STOX2: variants seen among roughly 807,000 people sequenced by gnomAD.
STOX2 encodes storkhead-box protein 2.
Under a neutral mutation model 60.9 loss-of-function variants are expected in STOX2, and 28 were observed. The ratio of observed to expected loss-of-function variants is 0.46; its 90% CI spans 0.34 to 0.63. The LOEUF (loss-of-function observed/expected upper bound fraction) is 0.63. Ranked by LOEUF, STOX2 falls within the 30% of genes least tolerant of loss-of-function variation. STOX2 has a pLI of 0.01. For synonymous variants in STOX2, 472 were observed against 463.9 expected, an observed-to-expected ratio of 1.02 and a Z score of -0.22; for missense variants, 1,024 against 1,187.7, an observed-to-expected ratio of 0.86 and a Z score of 2.03.
At chr4:183,851,661 G>A (rs1204870497) in intron 1 of STOX2, among the ~76,000 whole-genome samples, 1 of 134,908 alleles carries the variant, frequency 7.4e-6, no homozygotes, top group Non-Finnish European at 1.6e-5. Context: ...AAGGATGAGG[G>A]AAAGGATGAG....
At chr4:183,862,977 C>T (rs768901092) in intron 1 of STOX2, among the ~76,000 whole-genome samples, 12 of 152,164 alleles carry the variant, frequency 7.9e-5, no homozygotes, top group Non-Finnish European at 1.3e-4. Flanking sequence ...CTCCTTTTAC[C>T]ACACCAGGGA....
At chr4:183,804,773 G>C (rs1293102354) in intron 1 of STOX2, among the ~76,000 whole-genome samples, 1 of 152,040 alleles carries the variant, frequency 6.6e-6, no homozygotes, top group African/African-American at 2.4e-5. Context: ...TTCAGCAAAG[G>C]CTGTCAGTTT....
At chr4:183,969,908 C>T (rs558355506) in intron 1 of STOX2, among the ~76,000 whole-genome samples, 4 of 152,240 alleles carry the variant, frequency 2.6e-5, no homozygotes, top group Admixed American at 6.5e-5. Flanking sequence ...AGGCGTGAGC[C>T]ACCACACCCT....
In STOX2 at chr4:184,011,908, G is replaced by A. The variant is rs949479981; in HGVS notation, c.2585+485G>A. On this transcript the variant is annotated intron_variant, in intron 3 of 3. Coordinates refer to ENST00000308497, the MANE Select transcript of STOX2 (RefSeq NM_020225.3). The surrounding 1 kb of genome is among the most constrained non-coding windows in gnomAD (Gnocchi z 4.4). ...CAAAACCTCTCCAATGGATCTAGAA[G>A]CTTGTTGCCATTTGGATCCCACTAT... Among the ~76,000 whole-genome samples, 78 of 152,296 alleles carry A rather than the reference G, an allele frequency of 5.1e-4. No homozygotes were observed. The highest frequency in any genetic ancestry group is 1.6e-3 in the African/African-American group (66 of 41,552).
chr4:183,943,590 A>G (rs1742806672), intron 1 of STOX2, among the ~76,000 whole-genome samples: 1 of 152,376 alleles, frequency 6.6e-6, no homozygotes, highest in Admixed American at 6.5e-5. Flanking sequence ...ACGAGAAGAA[A>G]TAGAAGTGCA....
Position 184,011,306 on chromosome 4 carries a change from C to G in STOX2, c.2468C>G (p.Thr823Ser), listed in dbSNP as rs761910828. ...DLQRKFEKNL[T>S]LLAPKETDSS... ...CAGAGGAAATTTGAAAAGAACCTCA[C>G]CCTTCTTGCTCCAAAAGAAACCGAC... is the stretch of plus-strand genomic sequence containing the variant. The change falls in exon 3 of 4, where the codon ACC (threonine) becomes AGC (serine). Residue 823 changes from threonine to serine, a missense_variant. Physicochemically the swap from Thr to Ser is moderately conservative, Grantham distance 58. This residue lies in a region of STOX2 where 922 missense variants were observed against 1,058.3 expected (regional missense o/e 0.87). Transcript: ENST00000308497. This position sits in a 1 kb window ranked among gnomAD's most constrained non-coding sequence, Gnocchi z 4.4. 7 of 1,613,906 alleles carry G rather than the reference C, an allele frequency of 4.3e-6. No individual in the cohort carries two copies. The African/African-American group carries it at 9.3e-5, about 22-fold the overall frequency.
chr4:183,884,975 C>T (rs371446865), intron 1 of STOX2, among the ~76,000 whole-genome samples: 203 of 152,260 alleles, frequency 1.3e-3, no homozygotes, highest in African/African-American at 4.5e-3. Context: ...CTGGGCGTCG[C>T]GTCCCCGTCG....
intron 1 of STOX2, among the ~76,000 whole-genome samples, chr4:183,819,380 C>CA (rs1275090264): frequency 6.6e-6 from 1 of 151,788 alleles, no homozygotes; most frequent in Non-Finnish European, 1.5e-5. Flanking sequence ...CCGTCTCCAC[C>CA]AAAAAAATAC....
chr4:183,831,737 A>G (rs1739572306), intron 1 of STOX2, among the ~76,000 whole-genome samples: 1 of 152,156 alleles, frequency 6.6e-6, no homozygotes, highest in Non-Finnish European at 1.5e-5. Context: ...CTTGTACCCC[A>G]CGGATATAGA....
intron 1 of STOX2, among the ~76,000 whole-genome samples, chr4:183,863,265 GC>G (rs376113314): frequency 3.4e-4 from 52 of 152,226 alleles, no homozygotes; most frequent in African/African-American, 1.1e-3. Context: ...CATGAACTGT[GC>G]CCCCCACACC....
rs1734422133 is a variant in STOX2, at chr4:184,017,407, GTGC to G, written c.*128_*130del. Reference sequence around the variant, plus strand: ...CACAGTTTTTGTGTTTACTTAAACTGTGCTGCTAAGTAGGGCTAGGGCAAAAAA... The same window carrying G: ...CACAGTTTTTGTGTTTACTTAAACTGTGCTAAGTAGGGCTAGGGCAAAAAA... On this transcript the variant is annotated 3_prime_UTR_variant, in exon 4 of 4. Transcript: ENST00000308497. The G allele has an allele frequency of 2.0e-6, 2 of 1,021,608 alleles. No homozygotes were observed. The highest frequency in any genetic ancestry group is 2.8e-6 in the Non-Finnish European group (2 of 719,312). 63.3% of individuals were successfully genotyped at this position (1,021,608 alleles called of 1,614,324 possible).
chr4:183,938,669 C>CAA (rs10577405), intron 1 of STOX2, among the ~76,000 whole-genome samples: 120 of 82,446 alleles, frequency 1.5e-3, no homozygotes, highest in African/African-American at 4.9e-3. Context: ...ACTCCGTCTC[C>CAA]AAAAAAAAAA....
intron 1 of STOX2, among the ~76,000 whole-genome samples, chr4:183,938,672 A>G (rs905089034): frequency 0.057 from 2,168 of 38,192 alleles, 43 homozygotes; most frequent in African/African-American, 0.095. Context: ...CCGTCTCCAA[A>G]AAAAAAAAAA....
intron 1 of STOX2, among the ~76,000 whole-genome samples, chr4:183,874,951 A>ATT (rs1740787513): frequency 6.9e-5 from 4 of 57,850 alleles, no homozygotes; most frequent in Non-Finnish European, 1.3e-4. Context: ...AAAAAAAAAA[A>ATT]AATATATATA....
rs1475895359 is a variant in STOX2, at chr4:183,836,088, G to C, written c.364+38033G>C. ...TGGGTGGAAAGTGGTATCCACTGCA[G>C]TTTTGATTTGCGATCTCCTGGTGAC... On this transcript the variant is annotated intron_variant, in intron 1 of 2. Transcript: ENST00000513034. This position sits in a 1 kb window ranked among gnomAD's most constrained non-coding sequence, Gnocchi z 4.1. Among the ~76,000 whole-genome samples the C allele has an allele frequency of 6.6e-6, 1 of 152,050 alleles. No homozygotes were observed. The highest frequency in any genetic ancestry group is 1.5e-5 in the Non-Finnish European group (1 of 68,032).
chr4:183,969,365 AT>A (rs1426795822), intron 1 of STOX2, among the ~76,000 whole-genome samples: 1 of 152,218 alleles, frequency 6.6e-6, no homozygotes, highest in East Asian at 1.9e-4. Flanking sequence ...CAAATTTAGA[AT>A]TAATTTATAT....
chr4:183,996,107 G>A (rs900970964), intron 1 of STOX2, among the ~76,000 whole-genome samples: 2 of 152,124 alleles, frequency 1.3e-5, no homozygotes, highest in African/African-American at 2.4e-5. Flanking sequence ...TTTTAAGCTC[G>A]CTTAAAAATC....
intron 1 of STOX2, among the ~76,000 whole-genome samples, chr4:183,888,808 C>T (rs1741141613): frequency 6.6e-6 from 1 of 152,110 alleles, no homozygotes; most frequent in African/African-American, 2.4e-5. Flanking sequence ...TCCTCCACTT[C>T]ATTCTTTTGG....
intron 1 of STOX2, among the ~76,000 whole-genome samples, chr4:183,912,290 C>T (rs1048240185): frequency 1.3e-5 from 2 of 152,186 alleles, no homozygotes; most frequent in Admixed American, 6.5e-5. Flanking sequence ...TGTGTTGCTT[C>T]CCTTCCCAGT....
Sources: gnomAD v4.1 joint callset for allele counts (sites outside exome capture counted in the v4.1 genomes callset) on GRCh38, gnomAD v4.1.1 for gene constraint, gnomAD v4.1.1 regional missense constraint, Gnocchi (gnomAD v3.1) non-coding constraint, MANE v1.5 for transcripts, NCBI Gene and HGNC (gene_info 2026-07-23, HGNC 2026-07-21) for gene names.